GALNT13: variants seen among roughly 807,000 people sequenced by gnomAD.
GALNT13 encodes the protein UDP-GalNAc:polypeptide N-acetylgalactosaminyltransferase 13.
GALNT13 carries 28 observed loss-of-function variants against 64.2 expected under a neutral mutation model. That is an observed-to-expected ratio of 0.44 (90% CI 0.32 to 0.60). The LOEUF (loss-of-function observed/expected upper bound fraction) is 0.60, where lower values mean the gene tolerates loss of function less well. GALNT13 is among the 20% of genes least tolerant of loss of function. The pLI is 0.05. For missense variants in GALNT13, 577 were observed against 669.8 expected (o/e 0.86, Z 1.53); for synonymous variants, 214 against 224.6 (o/e 0.95, Z 0.42).
chr2:153,174,038 A>C, the GALNT13 span, among the ~76,000 whole-genome samples: 1 of 152,198 alleles, frequency 6.6e-6, no homozygotes, highest in African/African-American at 2.4e-5. Context: ...AAGGCTTGAG[A>C]AATATTCCCA....
chr2:153,630,795 A>ATT, the GALNT13 span, among the ~76,000 whole-genome samples: 1 of 13,956 alleles, frequency 7.2e-5, no homozygotes, highest in African/African-American at 2.5e-4. Context: ...ATATATATAT[A>ATT]TATATATATA....
chr2:154,386,490 T>G (rs570165094), intron 9 of GALNT13, among the ~76,000 whole-genome samples: 94 of 152,082 alleles, frequency 6.2e-4, no homozygotes, highest in Non-Finnish European at 1.1e-3. Flanking sequence ...CAAATATAAC[T>G]TTCTCAAGTT....
the GALNT13 span, among the ~76,000 whole-genome samples, chr2:153,445,520 G>A: frequency 6.6e-6 from 1 of 152,034 alleles, no homozygotes; most frequent in Non-Finnish European, 1.5e-5. Context: ...TGGGACTAGA[G>A]GTGCATGCAC....
At chr2:153,092,991 C>A in the GALNT13 span, among the ~76,000 whole-genome samples, 1 of 151,808 alleles carries the variant, frequency 6.6e-6, no homozygotes, top group Non-Finnish European at 1.5e-5. Context: ...TGGTCTGTCA[C>A]ATATGGTTTT....
chr2:154,395,497 A>G (rs1699013693), intron 9 of GALNT13, among the ~76,000 whole-genome samples: 3 of 152,136 alleles, frequency 2.0e-5, no homozygotes, highest in Admixed American at 2.0e-4. Context: ...GTTTATGGTA[A>G]CTAGATAGAA....
intron 9 of GALNT13, among the ~76,000 whole-genome samples, chr2:154,321,626 A>G (rs1170957571): frequency 1.3e-5 from 2 of 152,132 alleles, no homozygotes; most frequent in Non-Finnish European, 2.9e-5. Flanking sequence ...TATTTACCAC[A>G]GAGAACATTT....
At chr2:153,939,879 G>A (rs1244465731) in intron 2 of GALNT13, among the ~76,000 whole-genome samples, 2 of 152,110 alleles carry the variant, frequency 1.3e-5, no homozygotes, top group Non-Finnish European at 2.9e-5. Context: ...GAAAACCAAG[G>A]CATTAAACAT....
intron 2 of GALNT13, among the ~76,000 whole-genome samples, chr2:153,909,310 G>T (rs949447464): frequency 7.9e-5 from 12 of 152,054 alleles, no homozygotes; most frequent in Admixed American, 7.2e-4. Flanking sequence ...CTTTGCTGAG[G>T]TTTATCAGTT....
chr2:153,556,668 T>C, the GALNT13 span, among the ~76,000 whole-genome samples: 10 of 152,302 alleles, frequency 6.6e-5, no homozygotes, highest in East Asian at 1.9e-3. Context: ...GTGTGTTAAG[T>C]AGCCTGGTAG....
intron 3 of GALNT13, among the ~76,000 whole-genome samples, chr2:153,963,036 AATTT>A (rs1429115484): frequency 1.3e-5 from 2 of 152,158 alleles, no homozygotes; most frequent in African/African-American, 4.8e-5. Context: ...AAAGAACAGA[AATTT>A]ATTTCTTACA....
chr2:153,702,475 TAAATA>T, the GALNT13 span, among the ~76,000 whole-genome samples: 2 of 151,668 alleles, frequency 1.3e-5, no homozygotes, highest in African/African-American at 2.4e-5. Context: ...ATAAAATAAA[TAAATA>T]AAAAATAAGA....
At chr2:153,562,526 C>T in the GALNT13 span, among the ~76,000 whole-genome samples, 3 of 151,752 alleles carry the variant, frequency 2.0e-5, no homozygotes, top group Non-Finnish European at 4.4e-5. Flanking sequence ...GTTATGTCAT[C>T]TCCATTAATT....
At chr2:153,884,698 C>A (rs1264391453) in intron 1 of GALNT13, among the ~76,000 whole-genome samples, 1 of 149,414 alleles carries the variant, frequency 6.7e-6, no homozygotes. Context: ...GTGGGCGGAT[C>A]ATCTGAGGTC....
the GALNT13 span, among the ~76,000 whole-genome samples, chr2:153,130,767 T>A: frequency 6.6e-6 from 1 of 152,300 alleles, no homozygotes; most frequent in African/African-American, 2.4e-5. Context: ...TAGCCTCTTG[T>A]AATGTTTCCT....
the GALNT13 span, among the ~76,000 whole-genome samples, chr2:153,685,041 T>C: frequency 1.2e-4 from 19 of 152,068 alleles, no homozygotes; most frequent in South Asian, 3.9e-3. Flanking sequence ...ATTTTCTTTA[T>C]CCAGTCTATC....
At chr2:153,922,933 T>C (rs1689854916) in intron 2 of GALNT13, among the ~76,000 whole-genome samples, 1 of 152,160 alleles carries the variant, frequency 6.6e-6, no homozygotes, top group Admixed American at 6.6e-5. Context: ...AGAGTCTCCC[T>C]CTGTCACCCA....
the GALNT13 span, among the ~76,000 whole-genome samples, chr2:153,089,721 T>C: frequency 6.6e-6 from 1 of 152,268 alleles, no homozygotes; most frequent in East Asian, 1.9e-4. Flanking sequence ...GTCTTCAAGC[T>C]CTGAAGCTCT....
At chr2:153,999,561 A>G (rs1197860086) in intron 3 of GALNT13, among the ~76,000 whole-genome samples, 3 of 152,032 alleles carry the variant, frequency 2.0e-5, no homozygotes, top group African/African-American at 7.2e-5. Context: ...TTCTGAATGT[A>G]TTGTAACACA....
At chr2:153,552,399 T>G in the GALNT13 span, among the ~76,000 whole-genome samples, 1 of 152,106 alleles carries the variant, frequency 6.6e-6, no homozygotes, top group African/African-American at 2.4e-5. Flanking sequence ...GCAAGGACGA[T>G]GTTCTTGAGC....
Sources: gnomAD v4.1 joint callset for allele counts (sites outside exome capture counted in the v4.1 genomes callset) on GRCh38, gnomAD v4.1.1 for gene constraint, MANE v1.5 for transcripts, NCBI Gene and HGNC (gene_info 2026-07-23, HGNC 2026-07-21) for gene names.